Variants in PLXNA4 observed in about 807,000 individuals in gnomAD.
The protein encoded by PLXNA4 is plexin-A4.
PLXNA4 carries 44 observed loss-of-function variants against 191.8 expected under a neutral mutation model. The observed-to-expected ratio is 0.23, with a 90% CI of 0.18 to 0.29. The LOEUF (loss-of-function observed/expected upper bound fraction) is 0.29. PLXNA4 is among the 10% of genes least tolerant of loss of function. The probability of loss-of-function intolerance (pLI) is 1.00; values close to 1 mark genes in which losing one functional copy is unlikely to be tolerated. For synonymous variants in PLXNA4, 1,082 were observed against 1,009.5 expected (o/e 1.07, Z -1.36); for missense variants, 1,800 against 2,488.8 (o/e 0.72, Z 5.89).
At chr7:132,237,987 C>T (rs1252626464) in intron 5 of PLXNA4, among the ~76,000 whole-genome samples, 1 of 152,152 alleles carries the variant, frequency 6.6e-6, no homozygotes, top group Admixed American at 6.5e-5. Context: ...CAAGTGTCCT[C>T]TTCAAGCCCT....
chr7:132,134,037 G>A (rs1470109913), intron 30 of PLXNA4, among the ~76,000 whole-genome samples: 1 of 152,170 alleles, frequency 6.6e-6, no homozygotes, highest in African/African-American at 2.4e-5. Context: ...CTGCCATGCT[G>A]GAGAAAGTAA....
At chr7:132,319,012 G>A (rs1021323803) in intron 3 of PLXNA4, among the ~76,000 whole-genome samples, 2 of 152,124 alleles carry the variant, frequency 1.3e-5, no homozygotes, top group Admixed American at 1.3e-4. Context: ...ACCGTGGAAG[G>A]GAAGGCATGT....
chr7:132,215,422 G>C (rs1349572729), intron 9 of PLXNA4, among the ~76,000 whole-genome samples: 1 of 152,230 alleles, frequency 6.6e-6, no homozygotes, highest in Non-Finnish European at 1.5e-5. Flanking sequence ...TGTGACATCA[G>C]AAATATATAT....
At chr7:132,440,147 G>A (rs1374830862) in intron 3 of PLXNA4, among the ~76,000 whole-genome samples, 1 of 152,130 alleles carries the variant, frequency 6.6e-6, no homozygotes, top group African/African-American at 2.4e-5. Flanking sequence ...GCTTCAACCT[G>A]CAGGAGAATG....
rs57153762 is a variant in PLXNA4 at position 132,156,135 on chromosome 7, T to TACACACACACACACACAC, written c.4660+3320_4660+3337dup. 1.0e-3 allele frequency among the ~76,000 whole-genome samples: 138 copies of TACACACACACACACACAC among 133,092 alleles called. 2 individuals carry two copies. The highest frequency in any genetic ancestry group is 3.7e-3 in the Middle Eastern group (1 of 268). The allele number at this position is 133,092 out of a possible 152,430, so 87.3% of individuals were successfully genotyped here. A position where few individuals can be genotyped will look rare whatever the true frequency, so the allele number is the denominator to read the frequency against. On this transcript the variant is annotated intron_variant, in intron 25 of 31. Transcript: ENST00000321063. ...CTCTCTCTCTCTCTGTTTCTGGACA[T>TACACACACACACACACAC]ACACACACACACACACACACACACA...
intron 3 of PLXNA4, among the ~76,000 whole-genome samples, chr7:132,484,319 G>A (rs1300482939): frequency 6.6e-6 from 1 of 152,214 alleles, no homozygotes; most frequent in Non-Finnish European, 1.5e-5. Flanking sequence ...ACGACAGAAT[G>A]CCGTCTGTCT....
At chr7:132,576,656 C>G (rs1368726722), upstream of PLXNA4, 1 of 955,874 alleles carries the variant, frequency 1.0e-6, no homozygotes, top group Non-Finnish European at 1.2e-6. The surrounding 1 kb of genome is among the most constrained non-coding windows in gnomAD (Gnocchi z 5.8). Flanking sequence ...GCTTCTCTTG[C>G]GGCGTCCAAG....
chr7:132,436,412 C>G (rs1274575368), intron 3 of PLXNA4, among the ~76,000 whole-genome samples: 1 of 152,196 alleles, frequency 6.6e-6, no homozygotes, highest in Non-Finnish European at 1.5e-5. Flanking sequence ...GCCCAGCCAT[C>G]CTGGAGCCAG....
At position 132,604,785 on chromosome 7, in the gene PLXNA4, G is replaced by A. The variant is rs1022862703; in HGVS notation, c.-87+41143C>T. ...ATTTCTCTGTACAGATGCAGGGACCGTGACATACCTCTATTCCCATGTGCA... is the reference window on the plus strand; with the variant it reads ...ATTTCTCTGTACAGATGCAGGGACCATGACATACCTCTATTCCCATGTGCA... On this transcript the variant is annotated intron_variant, in intron 2 of 4. Coordinates refer to the PLXNA4 transcript ENST00000378539. Among the ~76,000 whole-genome samples the A allele has an allele frequency of 8.5e-5, 13 of 152,194 alleles. No homozygotes were observed. The South Asian group carries it at 1.2e-3, about 15-fold the overall frequency.
intron 2 of PLXNA4, among the ~76,000 whole-genome samples, chr7:132,620,236 TTC>T (rs1264066475): frequency 6.6e-6 from 1 of 152,222 alleles, no homozygotes; most frequent in Non-Finnish European, 1.5e-5. Flanking sequence ...CTCTTGTGAT[TTC>T]TGAGGTGACC....
intron 30 of PLXNA4, among the ~76,000 whole-genome samples, chr7:132,139,150 C>A (rs920790042): frequency 3.3e-5 from 5 of 152,192 alleles, no homozygotes; most frequent in African/African-American, 1.2e-4. Context: ...AGTTAGTTTC[C>A]TTTTGGACAG....
At position 132,140,678 on chromosome 7, in the gene PLXNA4, G is replaced by A; in HGVS notation, c.5359C>T (p.His1787Tyr). The change falls in exon 30 of 32, where the codon CAC (histidine) becomes TAC (tyrosine). Residue 1787 changes from histidine to tyrosine, a missense_variant. His to Tyr is a moderately conservative substitution (Grantham distance 83, BLOSUM62 2). Coordinates refer to ENST00000321063, the MANE Select transcript of PLXNA4 (RefSeq NM_020911.2). ...GAGGGCGAGTCCTTGCCCAGCCGGTGCTCTGACGTGGAGCAAGAGTCCATG... is the reference window on the plus strand; with the variant it reads ...GAGGGCGAGTCCTTGCCCAGCCGGTACTCTGACGTGGAGCAAGAGTCCATG... ...TFMDSCSTSEHRLGKDSPSNK... is the reference protein window; with the variant it reads ...TFMDSCSTSEYRLGKDSPSNK... 2 of 1,614,182 alleles carry A rather than the reference G, an allele frequency of 1.2e-6. No homozygotes were observed. Among genetic ancestry groups the A allele is most frequent in the Non-Finnish European group, 1.7e-6 (2 of 1,180,036 alleles).
chr7:132,561,164 T>C (rs1386742613), intron 1 of PLXNA4, among the ~76,000 whole-genome samples: 1 of 152,078 alleles, frequency 6.6e-6, no homozygotes, highest in Non-Finnish European at 1.5e-5. Flanking sequence ...CCCCAAGGGC[T>C]GTGCTCTCAC....
At chr7:132,419,696 C>T (rs929205470) in intron 3 of PLXNA4, among the ~76,000 whole-genome samples, 2 of 152,228 alleles carry the variant, frequency 1.3e-5, no homozygotes, top group Middle Eastern at 3.4e-3. Context: ...TGGACTAGAC[C>T]AAGGGTCAGC....
intron 3 of PLXNA4, among the ~76,000 whole-genome samples, chr7:132,445,068 T>C (rs1795848230): frequency 7.4e-6 from 1 of 135,972 alleles, no homozygotes; most frequent in South Asian, 2.4e-4. Context: ...GGCAGGAGAA[T>C]GGTGTGAACC....
At chr7:132,153,169 T>TAGGC (rs1795694888) in intron 25 of PLXNA4, among the ~76,000 whole-genome samples, 2 of 151,778 alleles carry the variant, frequency 1.3e-5, no homozygotes, top group African/African-American at 4.8e-5. Context: ...GAAGGATGAG[T>TAGGC]AGGCGTTCAC....
At chr7:132,215,021 G>A (rs1797922136) in intron 9 of PLXNA4, among the ~76,000 whole-genome samples, 1 of 152,110 alleles carries the variant, frequency 6.6e-6, no homozygotes, top group Non-Finnish European at 1.5e-5. Context: ...TCCCTCATCT[G>A]CTCCCTTTTT....
chr7:132,542,671 C>T (rs897105816), intron 1 of PLXNA4, among the ~76,000 whole-genome samples: 45 of 152,114 alleles, frequency 3.0e-4, no homozygotes, highest in African/African-American at 1.1e-3. Context: ...ATGTCTCTTA[C>T]CTAAGTTTTC....
At chr7:132,159,367 T>G in intron 25 of PLXNA4, 106 bp downstream of exon 25, 1 of 1,521,724 alleles carries the variant, frequency 6.6e-7, no homozygotes, top group Non-Finnish European at 8.9e-7. Context: ...AGCCAGTGAT[T>G]ATTCCCCTCA....
Sources: allele counts gnomAD v4.1 joint callset (sites outside exome capture counted in the v4.1 genomes callset), GRCh38; gene constraint gnomAD v4.1.1; non-coding constraint Gnocchi (gnomAD v3.1); transcripts MANE v1.5; gene names NCBI Gene and HGNC (gene_info 2026-07-23, HGNC 2026-07-21).